TTLL11: variants seen among roughly 807,000 people sequenced by gnomAD.
The protein encoded by TTLL11 is tubulin tyrosine ligase like 11, also known as tubulin polyglutamylase TTLL11.
A neutral mutation model predicts 51.7 loss-of-function variants in TTLL11; 42 were observed. The observed-to-expected ratio is 0.81, with a 90% CI of 0.64 to 1.05. The LOEUF is 1.05. TTLL11 is among the 50% of genes least tolerant of loss of function. TTLL11 has a pLI of 0.00. For missense variants in TTLL11, 799 were observed against 940.4 expected, an observed-to-expected ratio of 0.85 and a Z score of 1.97; for synonymous variants, 381 against 383.5, an observed-to-expected ratio of 0.99 and a Z score of 0.08.
chr9:121,994,759 C>G (rs1393847681), intron 3 of TTLL11, among the ~76,000 whole-genome samples: 2 of 152,162 alleles, frequency 1.3e-5, no homozygotes, highest in Non-Finnish European at 2.9e-5. Context: ...AAGAAAGCAA[C>G]TTAATTAGAT....
chr9:122,062,433 T>C (rs569593102), intron 1 of TTLL11, among the ~76,000 whole-genome samples: 139 of 149,810 alleles, frequency 9.3e-4, no homozygotes, highest in African/African-American at 3.3e-3. Context: ...TATCCCATTA[T>C]AAGAACTGTG....
At chr9:122,037,550 T>C (rs1386782516) in intron 2 of TTLL11, among the ~76,000 whole-genome samples, 1 of 152,170 alleles carries the variant, frequency 6.6e-6, no homozygotes, top group Admixed American at 6.5e-5. Context: ...CTCTAGGCTT[T>C]TCTGAGTGCG....
intron 1 of TTLL11, among the ~76,000 whole-genome samples, chr9:122,090,426 TCCGG>T (rs1424575432): frequency 6.6e-6 from 1 of 152,122 alleles, no homozygotes; most frequent in East Asian, 1.9e-4. Flanking sequence ...CACGCTATGA[TCCGG>T]CCATACTCAA....
intron 3 of TTLL11, among the ~76,000 whole-genome samples, chr9:122,026,923 A>C (rs55748326): frequency 1.2e-4 from 18 of 148,756 alleles, no homozygotes; most frequent in African/African-American, 4.2e-4. Flanking sequence ...AAAAAAAAAA[A>C]AAAAAAAACT....
intron 6 of TTLL11, among the ~76,000 whole-genome samples, chr9:121,899,391 A>ATATATATATATATATATG (rs1564295453): frequency 9.5e-5 from 12 of 126,640 alleles, no homozygotes; most frequent in South Asian, 5.7e-4. Flanking sequence ...ATATATATAT[A>ATATATATATATATATATG]TATATATATA....
At chr9:122,088,520 T>C (rs1846184011) in intron 1 of TTLL11, among the ~76,000 whole-genome samples, 1 of 152,216 alleles carries the variant, frequency 6.6e-6, no homozygotes, top group South Asian at 2.1e-4. Context: ...TCAGGTAAGT[T>C]AACCTCTGTG....
intron 1 of TTLL11, among the ~76,000 whole-genome samples, chr9:122,050,787 T>C (rs1249831828): frequency 6.6e-6 from 1 of 152,158 alleles, no homozygotes; most frequent in Non-Finnish European, 1.5e-5. Context: ...GACGCCCACA[T>C]GGTAAGCAAT....
chr9:121,976,517 T>A (rs73562025), intron 4 of TTLL11, among the ~76,000 whole-genome samples: 4,541 of 152,074 alleles, frequency 0.03, 208 homozygotes, highest in African/African-American at 0.1. Context: ...TCTCAAAAAA[T>A]TAATGTGGAG....
intron 1 of TTLL11, among the ~76,000 whole-genome samples, chr9:122,053,294 C>A (rs147924866): frequency 2.6e-5 from 4 of 152,200 alleles, no homozygotes; most frequent in Middle Eastern, 3.4e-3. Flanking sequence ...AAAAGCTTAA[C>A]CAAGGAGGGG....
intron 6 of TTLL11, among the ~76,000 whole-genome samples, chr9:121,965,438 C>T (rs7848463): frequency 0.2 from 30,434 of 152,128 alleles, 3,222 homozygotes; most frequent in Middle Eastern, 0.21. Flanking sequence ...TAAACCATCA[C>T]ATCTCATGAG....
At chr9:122,068,304 A>G (rs1426460961) in intron 1 of TTLL11, among the ~76,000 whole-genome samples, 2 of 152,224 alleles carry the variant, frequency 1.3e-5, no homozygotes, top group Non-Finnish European at 2.9e-5. Context: ...TACCTCTGGA[A>G]ACAGACCAAG....
intron 6 of TTLL11, among the ~76,000 whole-genome samples, chr9:121,914,590 T>C (rs187259943): frequency 2.8e-3 from 431 of 152,238 alleles, no homozygotes; most frequent in Non-Finnish European, 3.5e-3. Context: ...ACCCTCCATA[T>C]AGATCACTCA....
At position 121,961,950 on chromosome 9, in the gene TTLL11, G is replaced by A. The variant is rs144163215; in HGVS notation, c.1481+12059C>T. Among the ~76,000 whole-genome samples, 269 of 152,268 alleles carry A rather than the reference G, an allele frequency of 1.8e-3. 4 individuals are homozygous for A. The East Asian group carries it at 0.026, about 15-fold the overall frequency. ...GGGTGCCTGTGATACCAGCTACTCG[G>A]GAGGCTGAGGCAGGAGAACCACTTG... On this transcript the variant is annotated intron_variant, in intron 6 of 8. Transcript: ENST00000321582.
At chr9:121,977,441 A>G (rs888719878) in intron 4 of TTLL11, among the ~76,000 whole-genome samples, 1 of 152,118 alleles carries the variant, frequency 6.6e-6, no homozygotes, top group Non-Finnish European at 1.5e-5. Context: ...TACTCAATAT[A>G]TGCTATCTCT....
At chr9:121,966,086 T>C (rs1842390259) in intron 6 of TTLL11, among the ~76,000 whole-genome samples, 1 of 152,178 alleles carries the variant, frequency 6.6e-6, no homozygotes, top group Admixed American at 6.5e-5. Flanking sequence ...ATAAAACCTT[T>C]AGTGGACAAA....
intron 3 of TTLL11, among the ~76,000 whole-genome samples, chr9:122,031,173 A>T (rs929320688): frequency 1.3e-5 from 2 of 152,208 alleles, no homozygotes; most frequent in Non-Finnish European, 2.9e-5. Context: ...TCCACTTCAC[A>T]ATCAGTGGTG....
chr9:121,901,336 T>A (rs972878567), intron 6 of TTLL11, among the ~76,000 whole-genome samples: 1 of 152,162 alleles, frequency 6.6e-6, no homozygotes, highest in African/African-American at 2.4e-5. Flanking sequence ...TTTACTTTTT[T>A]TTCTTGCCTG....
At chr9:121,829,256 G>T (rs1483721432) in intron 8 of TTLL11, among the ~76,000 whole-genome samples, 1 of 151,974 alleles carries the variant, frequency 6.6e-6, no homozygotes, top group Non-Finnish European at 1.5e-5. Context: ...GCCCAGCCAA[G>T]ACCCTGTCTT....
At chr9:121,976,199 C>T (rs1163072970) in intron 4 of TTLL11, among the ~76,000 whole-genome samples, 2 of 152,354 alleles carry the variant, frequency 1.3e-5, no homozygotes, top group East Asian at 3.9e-4. Flanking sequence ...AGTTCTCCAA[C>T]ACCGTCTGCT....
Sources: allele counts gnomAD v4.1 joint callset (sites outside exome capture counted in the v4.1 genomes callset), GRCh38; gene constraint gnomAD v4.1.1; transcripts MANE v1.5; gene names NCBI Gene and HGNC (gene_info 2026-07-23, HGNC 2026-07-21).